EBF4: variants seen among roughly 807,000 people sequenced by gnomAD.
The protein encoded by EBF4 is EBF transcription factor 4, also known as transcription factor COE4.
Under a neutral mutation model 67.1 loss-of-function variants are expected in EBF4, and 34 were observed. The observed-to-expected ratio is 0.51, with a 90% CI of 0.39 to 0.67. The LOEUF (loss-of-function observed/expected upper bound fraction) is 0.67, where lower values mean the gene tolerates loss of function less well. Among genes scored for constraint, EBF4 ranks in the 30% least tolerant of loss-of-function variants. EBF4 has a pLI of 0.00. For synonymous variants in EBF4, 387 were observed against 377.7 expected, an observed-to-expected ratio of 1.02 and a Z score of -0.29; for missense variants, 837 against 873.3, an observed-to-expected ratio of 0.96 and a Z score of 0.52.
chr20:2,747,748 A>G lies in EBF4; in HGVS notation c.558-801A>G, dbSNP rs1381455512. On this transcript the variant is annotated intron_variant, in intron 6 of 16. Transcript: ENST00000609451. The surrounding 1 kb of genome is among the most constrained non-coding windows in gnomAD (Gnocchi z 4.6). ...TTTGGGTAATCATTTACAACATAAA[A>G]TGCGTATTAATGTATTTGTTCTGTG... 6.6e-6 allele frequency among the ~76,000 whole-genome samples: 1 copy of G among 152,200 alleles called. No individual in the cohort carries two copies. Among genetic ancestry groups the G allele is most frequent in the African/African-American group, 2.4e-5 (1 of 41,430 alleles).
At chr20:2,723,955 G>A (rs1053660822) in intron 6 of EBF4, among the ~76,000 whole-genome samples, 2 of 151,928 alleles carry the variant, frequency 1.3e-5, no homozygotes, top group South Asian at 4.1e-4. Flanking sequence ...TTCTTTAATG[G>A]TTTGGAACTG....
At chr20:2,715,100 A>T (rs955558438) in intron 6 of EBF4, among the ~76,000 whole-genome samples, 5 of 152,168 alleles carry the variant, frequency 3.3e-5, no homozygotes, top group African/African-American at 1.2e-4. Flanking sequence ...CATTGAAGCC[A>T]GCTCCCCCCA....
intron 6 of EBF4, among the ~76,000 whole-genome samples, chr20:2,729,202 A>G (rs567167060): frequency 6.6e-6 from 1 of 151,988 alleles, no homozygotes; most frequent in East Asian, 1.9e-4. Flanking sequence ...AAGGTTAAGA[A>G]CTCCTGACTG....
chr20:2,736,206 C>T (rs2087874429), intron 6 of EBF4, among the ~76,000 whole-genome samples: 1 of 152,056 alleles, frequency 6.6e-6, no homozygotes, highest in Non-Finnish European at 1.5e-5. Context: ...ATGGGAGGCT[C>T]ATAGCTCTTC....
intron 6 of EBF4, among the ~76,000 whole-genome samples, chr20:2,742,408 T>C (rs1857742809): frequency 6.6e-6 from 1 of 152,182 alleles, no homozygotes; most frequent in African/African-American, 2.4e-5. Flanking sequence ...TTTTGTTGTT[T>C]GTTTGTTTGT....
rs1160097519 is a variant in EBF4, at chr20:2,752,353, G to T, written c.1352-4G>T. On this transcript the variant is annotated splice_region_variant and splice_polypyrimidine_tract_variant and intron_variant, in intron 13 of 16. Coordinates refer to ENST00000609451, the Ensembl canonical transcript of EBF4. ...CCCCCTGACGGCCGCGCTCTCTCTC[G>T]CAGGCTACGCGCGCAGCTGCAGCAG... The T allele has an allele frequency of 3.0e-5, 36 of 1,213,562 alleles. No homozygotes were observed. The highest frequency in any genetic ancestry group is 3.7e-5 in the Non-Finnish European group (36 of 979,086). The allele number at this position is 1,213,562 out of a possible 1,614,324, so 75.2% of individuals were successfully genotyped here.
intron 6 of EBF4, among the ~76,000 whole-genome samples, chr20:2,730,074 GC>G (rs2087793965): frequency 6.6e-6 from 1 of 152,224 alleles, no homozygotes; most frequent in South Asian, 2.1e-4. Context: ...ATTTCCAGGT[GC>G]CCTGTGGCTG....
At chr20:2,717,750 G>C (rs1048998952) in intron 6 of EBF4, among the ~76,000 whole-genome samples, 5 of 149,680 alleles carry the variant, frequency 3.3e-5, no homozygotes, top group African/African-American at 9.8e-5. Context: ...TCTTTTTCTT[G>C]CTTTATTGCA....
At chr20:2,757,742 T>C (rs1392662480) in intron 15 of EBF4, among the ~76,000 whole-genome samples, 1 of 151,158 alleles carries the variant, frequency 6.6e-6, no homozygotes, top group Non-Finnish European at 1.5e-5. Flanking sequence ...AGATCAGGAG[T>C]TCAAGACCAG....
chr20:2,756,050 A>G lies in EBF4; in HGVS notation c.1738+226A>G, dbSNP rs1256449050. ...GATGGTCACCATTCTGGATGCTCTC[A>G]GTTGACCACTTGGCCAAGGGGAAGA... is the stretch of plus-strand genomic sequence containing the variant. On this transcript the variant is annotated intron_variant, in intron 15 of 16. Transcript: ENST00000609451. The surrounding 1 kb of genome is among the most constrained non-coding windows in gnomAD (Gnocchi z 4.5). 6.6e-6 allele frequency among the ~76,000 whole-genome samples: 1 copy of G among 152,192 alleles called. No homozygotes were observed. The highest frequency in any genetic ancestry group is 1.5e-5 in the Non-Finnish European group (1 of 68,026).
intron 6 of EBF4, among the ~76,000 whole-genome samples, chr20:2,740,055 G>A (rs2087945079): frequency 6.6e-6 from 1 of 152,260 alleles, no homozygotes; most frequent in African/African-American, 2.4e-5. Context: ...GCCCACGCCT[G>A]TAATTCCAGC....
At chr20:2,730,533 C>T (rs1046922381) in intron 6 of EBF4, among the ~76,000 whole-genome samples, 1 of 152,114 alleles carries the variant, frequency 6.6e-6, no homozygotes, top group African/African-American at 2.4e-5. Context: ...TTTGGGGGGG[C>T]CACCATTCAA....
chr20:2,697,419 C>A (rs1381758943), intron 1 of EBF4, among the ~76,000 whole-genome samples: 1 of 151,988 alleles, frequency 6.6e-6, no homozygotes, highest in East Asian at 1.9e-4. Context: ...GTGGCGGGCG[C>A]CTGTAGTCCC....
intron 6 of EBF4, among the ~76,000 whole-genome samples, chr20:2,732,498 T>C (rs1442642100): frequency 6.6e-6 from 1 of 152,254 alleles, no homozygotes; most frequent in Non-Finnish European, 1.5e-5. Flanking sequence ...CATGTCCTTC[T>C]TTGTCTCTCA....
Position 2,705,773 on chromosome 20 carries a change from G to A in EBF4, c.294+40G>A, listed in dbSNP as rs769908262. ...GGCTTGGCTGGGACTGGCCCCGGGA[G>A]GGAACCCCCAACCACACACACACAC... On this transcript the variant is annotated intron_variant, in intron 2 of 16. Coordinates refer to ENST00000609451, the Ensembl canonical transcript of EBF4. 1.0e-4 allele frequency: 151 copies of A among 1,509,198 alleles called. No individual in the cohort carries two copies. The Middle Eastern group carries it at 2.9e-3, about 29-fold the overall frequency. The allele number at this position is 1,509,198 out of a possible 1,614,324, so 93.5% of individuals were successfully genotyped here.
At chr20:2,732,638 A>G (rs1289023939) in intron 6 of EBF4, among the ~76,000 whole-genome samples, 2 of 152,172 alleles carry the variant, frequency 1.3e-5, no homozygotes, top group African/African-American at 4.8e-5. Flanking sequence ...AATTTAAAGT[A>G]TGTCTCACAT....
At chr20:2,740,172 G>T (rs538213555) in intron 6 of EBF4, among the ~76,000 whole-genome samples, 1 of 152,278 alleles carries the variant, frequency 6.6e-6, no homozygotes, top group Admixed American at 6.5e-5. Context: ...AATTAGCTGG[G>T]CATGGTGGCA....
intron 6 of EBF4, among the ~76,000 whole-genome samples, chr20:2,718,003 G>A (rs112706607): frequency 0.047 from 7,125 of 152,132 alleles, 260 homozygotes; most frequent in Non-Finnish European, 0.071. Context: ...TAGAGACGGA[G>A]TTTCACCATG....
intron 15 of EBF4, 84 bp from the exon 16 acceptor site, chr20:2,758,825 G>T (rs1057333034): frequency 1.6e-6 from 2 of 1,238,432 alleles, no homozygotes; most frequent in Non-Finnish European, 2.3e-6. Flanking sequence ...TCCCCTGCCT[G>T]CTGTCTCCAG....
Sources: gnomAD v4.1 joint callset for allele counts (sites outside exome capture counted in the v4.1 genomes callset) on GRCh38, gnomAD v4.1.1 for gene constraint, Gnocchi (gnomAD v3.1) non-coding constraint, MANE v1.5 for transcripts, NCBI Gene and HGNC (gene_info 2026-07-23, HGNC 2026-07-21) for gene names.